REXO1: variants seen among roughly 807,000 people sequenced by gnomAD.
The protein encoded by REXO1 is REX1, RNA exonuclease 1 homolog.
REXO1 carries 42 observed loss-of-function variants against 102.6 expected under a neutral mutation model. That is an observed-to-expected ratio of 0.41 (90% CI 0.32 to 0.53). REXO1 has a LOEUF of 0.53. Among genes scored for constraint, REXO1 ranks in the 20% least tolerant of loss-of-function variants. The pLI, the probability that REXO1 is intolerant of heterozygous loss-of-function variation, is 0.27. For synonymous variants in REXO1, 908 were observed against 779.1 expected, an observed-to-expected ratio of 1.17 and a Z score of -2.76; for missense variants, 1,819 against 1,732.5, an observed-to-expected ratio of 1.05 and a Z score of -0.89.
intron 1 of REXO1, among the ~76,000 whole-genome samples, chr19:1,829,038 C>T (rs1312765451): frequency 6.6e-6 from 1 of 152,238 alleles, no homozygotes; most frequent in East Asian, 1.9e-4. Flanking sequence ...GCTGGGCCGA[C>T]AACCACAGCC....
In REXO1 at chr19:1,825,802, A is replaced by G. The variant is rs1394325748; in HGVS notation, c.2016+37T>C. 6.3e-6 allele frequency: 9 copies of G among 1,421,086 alleles called. No homozygotes were observed. In the South Asian group the frequency reaches 1.1e-4, roughly 17 times the overall value. The allele number at this position is 1,421,086 out of a possible 1,614,324, so 88.0% of individuals were successfully genotyped here. A position where few individuals can be genotyped will look rare whatever the true frequency, so the allele number is the denominator to read the frequency against. On this transcript the variant is annotated intron_variant, in intron 3 of 15. Coordinates refer to ENST00000170168, the MANE Select transcript of REXO1 (RefSeq NM_020695.4). The stretch of plus-strand genomic sequence containing the variant: ...ACCTCGTCTTTAAAAAAAAAAAAAA[A>G]AAAGGCTCCTGCTGGCCTGGCCTCT...
At position 1,816,360 on chromosome 19, in the gene REXO1, A is replaced by T; in HGVS notation, c.3457-15T>A. 1 of 1,590,532 alleles carries T rather than the reference A, an allele frequency of 6.3e-7. No homozygotes were observed. The highest frequency in any genetic ancestry group is 8.6e-7 in the Non-Finnish European group (1 of 1,167,472). The stretch of plus-strand genomic sequence containing the variant: ...CTGTGGATGACCTGTGGGCAGCGGC[A>T]GAGATCAGCGCACGTGGGGCCTGCG... On this transcript the variant is annotated splice_polypyrimidine_tract_variant and intron_variant, in intron 14 of 15. Transcript: ENST00000170168.
chr19:1,838,825 G>A (rs751440692), intron 1 of REXO1, among the ~76,000 whole-genome samples: 5 of 152,150 alleles, frequency 3.3e-5, no homozygotes, highest in Middle Eastern at 3.4e-3. Context: ...TAAGTTAAGA[G>A]TCCAGCTCTC....
At chr19:1,845,379 T>C (rs1599178345) in intron 1 of REXO1, among the ~76,000 whole-genome samples, 1 of 152,200 alleles carries the variant, frequency 6.6e-6, no homozygotes, top group Non-Finnish European at 1.5e-5. Context: ...GAAATGGCTG[T>C]GCAGCCCAGC....
At chr19:1,825,172 C>T (rs1438572277) in intron 3 of REXO1, among the ~76,000 whole-genome samples, 1 of 150,518 alleles carries the variant, frequency 6.6e-6, no homozygotes, top group Non-Finnish European at 1.5e-5. Context: ...TGGTGGTGGG[C>T]ACCTGTAATC....
At position 1,816,056 on chromosome 19, in the gene REXO1, C is replaced by T. The variant is rs779083064; in HGVS notation, c.*10G>A. On this transcript the variant is annotated 3_prime_UTR_variant, in exon 16 of 16. Transcript: ENST00000170168. ...GACGGCAGGAGAGGCGGGTGGGAGG[C>T]GGGCAGGCGTCATCGCTTGGTCTTG... The T allele has an allele frequency of 3.9e-6, 6 of 1,540,142 alleles. No homozygotes were observed. Among genetic ancestry groups the T allele is most frequent in the South Asian group, 3.6e-5 (3 of 84,064 alleles).
intron 1 of REXO1, among the ~76,000 whole-genome samples, chr19:1,842,691 A>G (rs966151594): frequency 3.3e-5 from 5 of 152,196 alleles, no homozygotes; most frequent in Admixed American, 6.5e-5. Context: ...GGTCCCAGCC[A>G]TGGCTCAAGC....
chr19:1,825,840 T>G lies in REXO1; in HGVS notation c.2015A>C (p.Glu672Ala), dbSNP rs1166030472. 1.3e-6 allele frequency: 2 copies of G among 1,534,162 alleles called. No homozygotes were observed. Among genetic ancestry groups the G allele is most frequent in the Non-Finnish European group, 9.0e-7 (1 of 1,111,714 alleles). Residue 672 changes from glutamate to alanine, a missense_variant and splice_region_variant, in exon 3 of 16, where the codon GAG (glutamate) becomes GCG (alanine). Coordinates refer to ENST00000170168, the MANE Select transcript of REXO1 (RefSeq NM_020695.4). ...TGGCCTGGCCTCTGCGGACCTTACC[T>G]CCTGGCCTTGCTTGGAAAGGTGGGA... ...RISHLSKQGQEVEPPRRGPAV... is the reference protein window; with the variant it reads ...RISHLSKQGQAVEPPRRGPAV...
intron 1 of REXO1, among the ~76,000 whole-genome samples, chr19:1,843,356 G>A (rs1173718728): frequency 1.3e-5 from 2 of 152,140 alleles, no homozygotes; most frequent in East Asian, 3.9e-4. Context: ...GCCCAGAGCC[G>A]CAGCTGGACT....
Position 1,828,369 on chromosome 19 carries a change from CGGGCCCACAGTG to C in REXO1, c.408_419del (p.Thr137_Pro140del). 1 of 1,609,162 alleles carries C rather than the reference CGGGCCCACAGTG, an allele frequency of 6.2e-7. No individual in the cohort carries two copies. On this transcript the variant is annotated inframe_deletion, in exon 2 of 16. Transcript: ENST00000170168. Reference sequence around the variant, plus strand: ...AGGCCAGTGGGAAGGCATCCTCGTCCGGGCCCACAGTGGGGCTGGCGTTGGGGCCGCGGGGCG... The same window carrying C: ...AGGCCAGTGGGAAGGCATCCTCGTCCGGGCTGGCGTTGGGGCCGCGGGGCG...
In REXO1 at chr19:1,827,518, C is replaced by G; in HGVS notation, c.1271G>C (p.Arg424Pro). 6.3e-7 allele frequency: 1 copy of G among 1,583,012 alleles called. No individual in the cohort carries two copies. The highest frequency in any genetic ancestry group is 8.5e-7 in the Non-Finnish European group (1 of 1,173,654). ...CCCTTCCGGCCGCTCTGCCTTGCGCCGGGGGCTGCTGGCCTGCGGGCCCTT... is the reference window on the plus strand; with the variant it reads ...CCCTTCCGGCCGCTCTGCCTTGCGCGGGGGGCTGCTGGCCTGCGGGCCCTT... The part of the protein sequence containing the change: ...DKKGPQASSP[R>P]RKAERPEGTK... The change falls in exon 2 of 16, where the codon CGG becomes CCG. Residue 424 changes from arginine (R) to proline (P), a missense_variant. Coordinates refer to ENST00000170168, the MANE Select transcript of REXO1 (RefSeq NM_020695.4).
chr19:1,848,386 C>A lies in REXO1; in HGVS notation c.-28G>T, dbSNP rs1397116831. 8.4e-7 allele frequency: 1 copy of A among 1,188,284 alleles called. No homozygotes were observed. Among genetic ancestry groups the A allele is most frequent in the Non-Finnish European group, 1.0e-6 (1 of 955,112 alleles). 73.6% of individuals were successfully genotyped at this position (1,188,284 alleles called of 1,614,324 possible). On this transcript the variant is annotated 5_prime_UTR_variant, in exon 1 of 16. Coordinates refer to ENST00000170168, the MANE Select transcript of REXO1 (RefSeq NM_020695.4). ...TCCGTCCCGCGGCGGGGCCCCGGCC[C>A]GGAGCCGCCCGGGCCCCAGGGCCCC...
chr19:1,829,385 TGCGCCATCACACCCA>T (rs2069843195), intron 1 of REXO1, among the ~76,000 whole-genome samples: 1 of 151,528 alleles, frequency 6.6e-6, no homozygotes, highest in African/African-American at 2.4e-5. Context: ...ATTACAGGCG[TGCGCCATCACACCCA>T]GCTAATTTTT....
intron 8 of REXO1, 37 bp from the exon 9 acceptor site, chr19:1,818,880 T>C (rs763161454): frequency 2.5e-6 from 4 of 1,604,720 alleles, no homozygotes; most frequent in Non-Finnish European, 3.4e-6. Context: ...CTGCCTGGGA[T>C]GGCCCACGGG....
In REXO1 at chr19:1,816,028, C is replaced by T. The variant is rs777184637; in HGVS notation, c.*38G>A. 1.3e-5 allele frequency: 20 copies of T among 1,540,674 alleles called. No homozygotes were observed. The highest frequency in any genetic ancestry group is 2.4e-5 in the South Asian group (2 of 84,160). On this transcript the variant is annotated 3_prime_UTR_variant, in exon 16 of 16. Transcript: ENST00000170168. Reference sequence around the variant, plus strand: ...GAAGAGGCATGGGGCTAAGGACCAGCGGGACGGCAGGAGAGGCGGGTGGGA... The same window carrying T: ...GAAGAGGCATGGGGCTAAGGACCAGTGGGACGGCAGGAGAGGCGGGTGGGA...
chr19:1,819,853 G>C, intron 7 of REXO1, 81 bp downstream of exon 7: 1 of 1,397,212 alleles, frequency 7.2e-7, no homozygotes, highest in East Asian at 2.5e-5. Flanking sequence ...TCAGGGCTGT[G>C]AAGGTCCCAG....
intron 1 of REXO1, among the ~76,000 whole-genome samples, chr19:1,829,241 C>T (rs2069838727): frequency 1.3e-5 from 2 of 152,080 alleles, no homozygotes; most frequent in African/African-American, 2.4e-5. Context: ...GCAAAATCCA[C>T]AGGAAGATTT....
rs1160611460 is a variant in REXO1 at position 1,826,504 on chromosome 19, G to A, written c.1911+374C>T. Among the ~76,000 whole-genome samples the A allele has an allele frequency of 6.6e-6, 1 of 150,378 alleles. No individual in the cohort carries two copies. Among genetic ancestry groups the A allele is most frequent in the Non-Finnish European group, 1.5e-5 (1 of 67,460 alleles). ...GGAAGGGAGGAGGGGAGAAGAGAGGGGGAAGGGAGGAAAGGGGAGGCGAGG... is the reference window on the plus strand; with the variant it reads ...GGAAGGGAGGAGGGGAGAAGAGAGGAGGAAGGGAGGAAAGGGGAGGCGAGG... On this transcript the variant is annotated intron_variant, in intron 2 of 15. Coordinates refer to ENST00000170168, the MANE Select transcript of REXO1 (RefSeq NM_020695.4). The surrounding 1 kb of genome is among the most constrained non-coding windows in gnomAD (Gnocchi z 4.3).
Position 1,815,878 on chromosome 19 carries a change from G to A in REXO1, c.*188C>T. The A allele has an allele frequency of 2.6e-6, 4 of 1,527,276 alleles. No homozygotes were observed. Among genetic ancestry groups the A allele is most frequent in the Non-Finnish European group, 3.5e-6 (4 of 1,141,108 alleles). The allele number at this position is 1,527,276 out of a possible 1,614,324, so 94.6% of individuals were successfully genotyped here. On this transcript the variant is annotated 3_prime_UTR_variant, in exon 16 of 16. Transcript: ENST00000170168. This position sits in a 1 kb window ranked among gnomAD's most constrained non-coding sequence, Gnocchi z 4.0. Reference sequence around the variant, plus strand: ...GGGGCAGAGGGTGGGGACCGGCGGAGGGGTGCGGCAGGACGTGAGCGGGGG... The same window carrying A: ...GGGGCAGAGGGTGGGGACCGGCGGAAGGGTGCGGCAGGACGTGAGCGGGGG...
Sources: allele counts gnomAD v4.1 joint callset (sites outside exome capture counted in the v4.1 genomes callset), GRCh38; gene constraint gnomAD v4.1.1; non-coding constraint Gnocchi (gnomAD v3.1); transcripts MANE v1.5; gene names NCBI Gene and HGNC (gene_info 2026-07-23, HGNC 2026-07-21).